The following KCNIP4 variants were observed in gnomAD, a reference collection of about 807,000 sequenced individuals.
KCNIP4 encodes Kv channel-interacting protein 4.
A neutral mutation model predicts 34.0 loss-of-function variants in KCNIP4; 12 were observed. The observed-to-expected ratio is 0.35, with a 90% CI of 0.23 to 0.57. The LOEUF is 0.57. Ranked by LOEUF, KCNIP4 falls within the 20% of genes least tolerant of loss-of-function variation. KCNIP4 has a pLI of 0.83. For synonymous variants in KCNIP4, 124 were observed against 102.2 expected (o/e 1.21, Z -1.29); for missense variants, 238 against 311.7 (o/e 0.76, Z 1.78).
At position 21,600,094 on chromosome 4, in the gene KCNIP4, C is replaced by T. The variant is rs567081581; in HGVS notation, c.61+348477G>A. Among the ~76,000 whole-genome samples the T allele has an allele frequency of 2.0e-5, 3 of 152,200 alleles. No individual in the cohort carries two copies. The East Asian group carries it at 5.8e-4, about 29-fold the overall frequency. On this transcript the variant is annotated intron_variant, in intron 1 of 8. Coordinates refer to ENST00000382152, the MANE Select transcript of KCNIP4 (RefSeq NM_025221.6). ...GCTTCTTTCTTCATTCCCTTACTCC[C>T]TCTGCTAACCAAGTCCTCCCACTCA...
chr4:21,690,995 T>C (rs868759465), intron 1 of KCNIP4, among the ~76,000 whole-genome samples: 6 of 152,308 alleles, frequency 3.9e-5, no homozygotes, highest in Middle Eastern at 3.4e-3. Context: ...GGTAGAATGA[T>C]AGGAACCTCT....
At chr4:21,542,974 A>G (rs1333468031) in intron 1 of KCNIP4, among the ~76,000 whole-genome samples, 1 of 150,936 alleles carries the variant, frequency 6.6e-6, no homozygotes, top group Non-Finnish European at 1.5e-5. Context: ...TGTCAATTCA[A>G]TGATGATTTT....
chr4:21,251,538 G>A (rs572767610), intron 1 of KCNIP4, among the ~76,000 whole-genome samples: 1 of 152,078 alleles, frequency 6.6e-6, no homozygotes, highest in Non-Finnish European at 1.5e-5. Flanking sequence ...GGGTAAAAAA[G>A]TATTCATTTC....
intron 1 of KCNIP4, among the ~76,000 whole-genome samples, chr4:21,439,932 T>C (rs1027198014): frequency 6.6e-6 from 1 of 152,216 alleles, no homozygotes; most frequent in Non-Finnish European, 1.5e-5. Flanking sequence ...ATAGTCCATC[T>C]ACTCCACTTT....
intron 7 of KCNIP4, among the ~76,000 whole-genome samples, chr4:20,732,340 C>T (rs6811505): frequency 1.3e-5 from 2 of 151,938 alleles, no homozygotes; most frequent in African/African-American, 2.4e-5. Context: ...ACAGAGCTTG[C>T]GCAATTTGCT....
intron 1 of KCNIP4, among the ~76,000 whole-genome samples, chr4:21,577,096 T>A (rs566128765): frequency 1.2e-4 from 18 of 152,300 alleles, no homozygotes; most frequent in African/African-American, 4.3e-4. Flanking sequence ...TATCTTCCAG[T>A]CATATATAGT....
At chr4:21,827,524 A>T (rs1484195616) in intron 1 of KCNIP4, among the ~76,000 whole-genome samples, 1 of 152,052 alleles carries the variant, frequency 6.6e-6, no homozygotes, top group African/African-American at 2.4e-5. Context: ...GAAAGCAGAA[A>T]CTAATAGATA....
chr4:21,115,434 A>T (rs1198930287), intron 1 of KCNIP4, among the ~76,000 whole-genome samples: 1 of 152,238 alleles, frequency 6.6e-6, no homozygotes, highest in African/African-American at 2.4e-5. Context: ...GTTTAAATGA[A>T]TAAATAAGAG....
At chr4:21,378,801 T>C (rs1311557671) in intron 1 of KCNIP4, among the ~76,000 whole-genome samples, 1 of 152,174 alleles carries the variant, frequency 6.6e-6, no homozygotes, top group Admixed American at 6.5e-5. Context: ...TTTTCTATTT[T>C]TGTTTAAATT....
chr4:20,746,174 A>G (rs565279364), intron 5 of KCNIP4, among the ~76,000 whole-genome samples: 2 of 152,302 alleles, frequency 1.3e-5, no homozygotes, highest in Admixed American at 6.5e-5. Context: ...TGGCACATAT[A>G]CACCATGGAA....
intron 1 of KCNIP4, among the ~76,000 whole-genome samples, chr4:21,480,276 G>T (rs1004059467): frequency 6.6e-6 from 1 of 152,040 alleles, no homozygotes; most frequent in African/African-American, 2.4e-5. Context: ...CCCAATTCAT[G>T]TAATTGTACA....
At chr4:20,787,544 T>A (rs1712171007) in intron 3 of KCNIP4, among the ~76,000 whole-genome samples, 1 of 152,142 alleles carries the variant, frequency 6.6e-6, no homozygotes, top group South Asian at 2.1e-4. Context: ...TTGGAATGAA[T>A]GTAAATAAGT....
At chr4:21,381,397 A>G (rs1465750491) in intron 1 of KCNIP4, among the ~76,000 whole-genome samples, 2 of 152,188 alleles carry the variant, frequency 1.3e-5, no homozygotes, top group Non-Finnish European at 2.9e-5. Context: ...GACTAGATTT[A>G]TCATTCATAT....
At chr4:21,099,967 G>C (rs780401258) in intron 1 of KCNIP4, among the ~76,000 whole-genome samples, 23 of 152,116 alleles carry the variant, frequency 1.5e-4, no homozygotes, top group Admixed American at 9.8e-4. Context: ...TCAATCTCAT[G>C]ATCAAACTAC....
At chr4:21,364,507 A>G (rs1316895599) in intron 1 of KCNIP4, among the ~76,000 whole-genome samples, 1 of 152,156 alleles carries the variant, frequency 6.6e-6, no homozygotes. Context: ...CATGTGTTGG[A>G]TGAAAAAAAG....
At chr4:21,247,759 T>C (rs866542177) in intron 1 of KCNIP4, among the ~76,000 whole-genome samples, 1,416 of 119,992 alleles carry the variant, frequency 0.012, 133 homozygotes, top group African/African-American at 0.046. Flanking sequence ...TATATATATA[T>C]ACACCCCACA....
intron 3 of KCNIP4, among the ~76,000 whole-genome samples, chr4:20,847,975 A>T (rs1720575526): frequency 6.6e-6 from 1 of 152,096 alleles, no homozygotes; most frequent in African/African-American, 2.4e-5. Flanking sequence ...TCTTGGATGG[A>T]AGCTGCTTCA....
chr4:21,402,569 A>G (rs1042179137), intron 1 of KCNIP4, among the ~76,000 whole-genome samples: 26 of 152,142 alleles, frequency 1.7e-4, no homozygotes, highest in Non-Finnish European at 7.3e-5. Flanking sequence ...TTCATAGGCT[A>G]ACTCTCTTCC....
intron 1 of KCNIP4, among the ~76,000 whole-genome samples, chr4:21,838,140 A>G (rs1346349185): frequency 2.0e-5 from 3 of 152,222 alleles, no homozygotes; most frequent in Non-Finnish European, 1.5e-5. Context: ...ACACTATGGA[A>G]AAGAAAATAT....
Sources: allele counts gnomAD v4.1 joint callset (sites outside exome capture counted in the v4.1 genomes callset), GRCh38; gene constraint gnomAD v4.1.1; transcripts MANE v1.5; gene names NCBI Gene and HGNC (gene_info 2026-07-23, HGNC 2026-07-21).